Variants in XRRA1 observed in about 807,000 individuals in gnomAD.
The protein encoded by XRRA1 is X-ray radiation resistance-associated protein 1.
Under a neutral mutation model 80.2 loss-of-function variants are expected in XRRA1, and 69 were observed. That is an observed-to-expected ratio of 0.86 (90% confidence interval 0.71 to 1.05). The LOEUF is 1.05. Among genes scored for constraint, XRRA1 ranks in the 50% least tolerant of loss-of-function variants. XRRA1 has a pLI of 0.00. For synonymous variants in XRRA1, 348 were observed against 389.9 expected (o/e 0.89, Z 1.27); for missense variants, 967 against 976.4 (o/e 0.99, Z 0.13).
intron 10 of XRRA1, among the ~76,000 whole-genome samples, chr11:74,877,949 A>G (rs1183684716): frequency 6.6e-6 from 1 of 152,026 alleles, no homozygotes. Context: ...TTATAGCAGC[A>G]TGATTTATAA....
At chr11:74,866,844 C>G (rs2043555638) in intron 10 of XRRA1, among the ~76,000 whole-genome samples, 1 of 151,912 alleles carries the variant, frequency 6.6e-6, no homozygotes, top group South Asian at 2.1e-4. Context: ...CTTGCAGGAT[C>G]TATGGGACAA....
chr11:74,887,563 CG>C (rs1185636720), intron 10 of XRRA1, among the ~76,000 whole-genome samples: 2 of 152,094 alleles, frequency 1.3e-5, no homozygotes, highest in African/African-American at 2.4e-5. Flanking sequence ...TGGGGAGTGT[CG>C]GAAAGTGGGT....
chr11:74,860,499 C>A (rs891593613), intron 11 of XRRA1, among the ~76,000 whole-genome samples: 2 of 152,184 alleles, frequency 1.3e-5, no homozygotes, highest in Non-Finnish European at 2.9e-5. Flanking sequence ...CAGAGAGGGC[C>A]CTGTCTTGGA....
chr11:74,904,415 G>A (rs546369644), intron 10 of XRRA1, among the ~76,000 whole-genome samples: 60 of 151,806 alleles, frequency 4.0e-4, no homozygotes, highest in African/African-American at 1.4e-3. Context: ...GAGCACGATC[G>A]TGTAACCGCA....
intron 14 of XRRA1, among the ~76,000 whole-genome samples, chr11:74,849,661 C>G (rs1047064133): frequency 2.6e-5 from 4 of 152,208 alleles, no homozygotes; most frequent in Non-Finnish European, 4.4e-5. Context: ...CTACTTTCCC[C>G]GCCCCCTCCC....
intron 2 of XRRA1, among the ~76,000 whole-genome samples, chr11:74,943,858 G>A (rs1172862730): frequency 6.7e-6 from 1 of 150,054 alleles, no homozygotes; most frequent in Non-Finnish European, 1.5e-5. Context: ...GTCTTACTTT[G>A]TCACCTAGGC....
At chr11:74,862,331 T>C (rs1024180702) in intron 11 of XRRA1, among the ~76,000 whole-genome samples, 2 of 152,208 alleles carry the variant, frequency 1.3e-5, no homozygotes, top group Admixed American at 1.3e-4. Context: ...GGTAAGCAGC[T>C]ATAGTTAACT....
chr11:74,896,876 G>T (rs1591182655), intron 10 of XRRA1, among the ~76,000 whole-genome samples: 1 of 152,084 alleles, frequency 6.6e-6, no homozygotes, highest in Non-Finnish European at 1.5e-5. Context: ...TTGGGCTTGG[G>T]GTCCAAGTCC....
At chr11:74,932,937 G>A (rs896535394) in intron 5 of XRRA1, among the ~76,000 whole-genome samples, 1 of 152,100 alleles carries the variant, frequency 6.6e-6, no homozygotes, top group Non-Finnish European at 1.5e-5. Context: ...AATCTCTCTT[G>A]GTATGCCACG....
intron 13 of XRRA1, 32 bp downstream of exon 13, chr11:74,851,957 G>T: frequency 6.3e-7 from 1 of 1,590,328 alleles, no homozygotes; most frequent in Non-Finnish European, 8.6e-7. Flanking sequence ...TGGGCACTGG[G>T]TTGAGAGGGG....
At chr11:74,942,004 T>C (rs1028253853) in intron 2 of XRRA1, among the ~76,000 whole-genome samples, 3 of 151,938 alleles carry the variant, frequency 2.0e-5, no homozygotes, top group African/African-American at 7.3e-5. Flanking sequence ...TCCCAGCTAC[T>C]TGGGAGGCTG....
At chr11:74,932,215 A>ATTTTTT (rs1318166774) in intron 5 of XRRA1, among the ~76,000 whole-genome samples, 3 of 152,166 alleles carry the variant, frequency 2.0e-5, no homozygotes, top group Non-Finnish European at 4.4e-5. Context: ...TGTTAGATAG[A>ATTTTTT]TATTTTTAAT....
intron 10 of XRRA1, among the ~76,000 whole-genome samples, chr11:74,878,147 T>C (rs1320714064): frequency 6.6e-6 from 1 of 151,884 alleles, no homozygotes; most frequent in Non-Finnish European, 1.5e-5. Flanking sequence ...TTTTTAATGA[T>C]TGCCATTCTA....
At chr11:74,934,257 C>T (rs1167567533) in intron 4 of XRRA1, among the ~76,000 whole-genome samples, 1 of 152,192 alleles carries the variant, frequency 6.6e-6, no homozygotes, top group Non-Finnish European at 1.5e-5. Flanking sequence ...ACTCTATGCA[C>T]TTTTGACTGC....
At chr11:74,863,927 C>T (rs897963302) in intron 10 of XRRA1, 1 of 152,122 alleles carries the variant, frequency 6.6e-6, no homozygotes, top group Non-Finnish European at 1.5e-5. Context: ...AAAACAACAG[C>T]ACCTCTAGAA....
chr11:74,867,205 C>G (rs1229765312), intron 10 of XRRA1, among the ~76,000 whole-genome samples: 2 of 152,182 alleles, frequency 1.3e-5, no homozygotes, highest in African/African-American at 4.8e-5. Flanking sequence ...AATGACCACA[C>G]TAGTTCTCCA....
At chr11:74,845,366 GCCCTGTTAA>G in intron 15 of XRRA1, 95 bp from the exon 16 acceptor site, 1 of 1,343,942 alleles carries the variant, frequency 7.4e-7, no homozygotes, top group Non-Finnish European at 1.0e-6. Flanking sequence ...TCTCTGCTGG[GCCCTGTTAA>G]GGGCAAGGGT....
intron 10 of XRRA1, among the ~76,000 whole-genome samples, chr11:74,904,394 C>T (rs750680142): frequency 5.3e-5 from 8 of 151,130 alleles, no homozygotes; most frequent in Non-Finnish European, 1.0e-4. Flanking sequence ...CAGAGTTCAA[C>T]AATACAGTTT....
At chr11:74,923,259 T>C (rs1239367559) in intron 7 of XRRA1, among the ~76,000 whole-genome samples, 1 of 152,190 alleles carries the variant, frequency 6.6e-6, no homozygotes, top group African/African-American at 2.4e-5. Flanking sequence ...CATGAATAGT[T>C]TGGGTATGAC....
Sources: gnomAD v4.1 joint callset for allele counts (sites outside exome capture counted in the v4.1 genomes callset) on GRCh38, gnomAD v4.1.1 for gene constraint, MANE v1.5 for transcripts, NCBI Gene and HGNC (gene_info 2026-07-23, HGNC 2026-07-21) for gene names.